Variants in CNTN1 observed in about 807,000 individuals in gnomAD.
The protein encoded by CNTN1 is contactin-1.
CNTN1 carries 38 observed loss-of-function variants against 126.4 expected under a neutral mutation model. The observed-to-expected ratio is 0.30, with a 90% confidence interval of 0.23 to 0.39. CNTN1 has a LOEUF of 0.39. Ranked by LOEUF, CNTN1 falls within the 10% of genes least tolerant of loss-of-function variation. The pLI is 1.00. For missense variants in CNTN1, 1,009 were observed against 1,248.4 expected (o/e 0.81, Z 2.89); for synonymous variants, 413 against 422.6 (o/e 0.98, Z 0.28).
intron 1 of CNTN1, among the ~76,000 whole-genome samples, chr12:40,774,776 T>A (rs1056777484): frequency 5.0e-4 from 76 of 151,454 alleles, no homozygotes; most frequent in African/African-American, 1.8e-3. Flanking sequence ...CTTTTTTTTT[T>A]ATTACCTTTC....
At chr12:40,797,449 T>A (rs955509889) in intron 1 of CNTN1, among the ~76,000 whole-genome samples, 2 of 151,816 alleles carry the variant, frequency 1.3e-5, no homozygotes, top group African/African-American at 4.8e-5. Flanking sequence ...ACAGAGAGTA[T>A]GTTAGGATAG....
chr12:40,967,799 A>T (rs1190022727), intron 15 of CNTN1, among the ~76,000 whole-genome samples: 2 of 151,988 alleles, frequency 1.3e-5, no homozygotes, highest in Non-Finnish European at 2.9e-5. Context: ...GTATGTTGGT[A>T]AAATACTACA....
At chr12:40,701,521 T>C (rs529613856) in intron 1 of CNTN1, among the ~76,000 whole-genome samples, 1 of 152,128 alleles carries the variant, frequency 6.6e-6, no homozygotes, top group Non-Finnish European at 1.5e-5. Context: ...ATATTTATAA[T>C]ATTCTAGCTT....
intron 1 of CNTN1, among the ~76,000 whole-genome samples, chr12:40,795,265 C>A (rs1277925153): frequency 2.1e-5 from 3 of 143,484 alleles, no homozygotes; most frequent in African/African-American, 7.8e-5. Context: ...GTAAACATGT[C>A]TACATGTATA....
intron 1 of CNTN1, among the ~76,000 whole-genome samples, chr12:40,852,548 A>G (rs755190211): frequency 2.6e-5 from 4 of 151,584 alleles, no homozygotes; most frequent in East Asian, 3.9e-4. Context: ...TTTTAGTGCC[A>G]TATTCTCTCA....
At chr12:40,925,850 ATATATATATATATATATG>A (rs1197890568) in intron 6 of CNTN1, among the ~76,000 whole-genome samples, 1 of 97,742 alleles carries the variant, frequency 1.0e-5, no homozygotes. Flanking sequence ...GTGTGTATAT[ATATATATATATATATATG>A]TATATATACA....
Position 41,029,167 on chromosome 12 carries a change from T to A in CNTN1, c.2928T>A (p.Val976=). Residue 976 remains valine, a synonymous_variant, in exon 23 of 24, where the codon GTT becomes GTA. Coordinates refer to ENST00000551295, the MANE Select transcript of CNTN1 (RefSeq NM_001843.4). ...IPRDGEYVVE[V]RAHSDGGDGV... is the part of the protein sequence containing the mutation. ...GAGATGGAGAATACGTTGTGGAGGTTCGCGCGCACAGTGATGGAGGAGATG... is the reference window on the plus strand; with the variant it reads ...GAGATGGAGAATACGTTGTGGAGGTACGCGCGCACAGTGATGGAGGAGATG... The A allele has an allele frequency of 6.2e-7, 1 of 1,614,114 alleles. No individual in the cohort carries two copies. Among genetic ancestry groups the A allele is most frequent in the Non-Finnish European group, 8.5e-7 (1 of 1,180,004 alleles).
At chr12:40,737,408 G>A (rs1937745327) in intron 1 of CNTN1, among the ~76,000 whole-genome samples, 1 of 139,442 alleles carries the variant, frequency 7.2e-6, no homozygotes, top group Non-Finnish European at 1.5e-5. Context: ...TAATTTACAT[G>A]ATAGCAAGGT....
rs754059004 is a variant in CNTN1, at chr12:40,908,418, T to C, written c.-15T>C. 1.2e-6 allele frequency: 2 copies of C among 1,612,106 alleles called. No individual in the cohort carries two copies. Among genetic ancestry groups the C allele is most frequent in the Non-Finnish European group, 1.7e-6 (2 of 1,178,648 alleles). ...CTTTTTTGGAAAATTGAACCGAACT[T>C]CTACTGAATACAAGATGAAAATGTG... On this transcript the variant is annotated 5_prime_UTR_variant, in exon 2 of 24. Transcript: ENST00000551295.
chr12:40,715,295 A>G (rs942153352), intron 1 of CNTN1, among the ~76,000 whole-genome samples: 1 of 152,152 alleles, frequency 6.6e-6, no homozygotes, highest in African/African-American at 2.4e-5. Flanking sequence ...TGCCCTAAGT[A>G]GTAACTTTAG....
At position 40,980,767 on chromosome 12, in the gene CNTN1, A is replaced by G. The variant is rs1269997998; in HGVS notation, c.1805-142A>G. 5 of 765,566 alleles carry G rather than the reference A, an allele frequency of 6.5e-6. No homozygotes were observed. In the East Asian group the frequency reaches 7.4e-5, roughly 11 times the overall value. The allele number at this position is 765,566 out of a possible 1,614,324, so 47.4% of individuals were successfully genotyped here. A position where few individuals can be genotyped will look rare whatever the true frequency, so the allele number is the denominator to read the frequency against. On this transcript the variant is annotated intron_variant, in intron 15 of 23. Coordinates refer to ENST00000551295, the MANE Select transcript of CNTN1 (RefSeq NM_001843.4). ...CAAATGATATCACTTCTTATAATCTATATTTAAAAGAAATGCAGACACACT... is the reference window on the plus strand; with the variant it reads ...CAAATGATATCACTTCTTATAATCTGTATTTAAAAGAAATGCAGACACACT...
chr12:40,758,436 T>G (rs1938697200), intron 1 of CNTN1, among the ~76,000 whole-genome samples: 1 of 152,030 alleles, frequency 6.6e-6, no homozygotes, highest in African/African-American at 2.4e-5. Flanking sequence ...GAAGTAAAAA[T>G]TACTGAGACA....
intron 6 of CNTN1, 94 bp from the exon 7 acceptor site, chr12:40,929,702 T>G: frequency 1.1e-6 from 1 of 908,966 alleles, no homozygotes; most frequent in Non-Finnish European, 1.8e-6. Context: ...TAGCCTTTAT[T>G]AGATTAAGTG....
At chr12:40,914,255 G>A (rs1945151345) in intron 3 of CNTN1, among the ~76,000 whole-genome samples, 1 of 152,076 alleles carries the variant, frequency 6.6e-6, no homozygotes, top group African/African-American at 2.4e-5. Context: ...ATCCTTTGCT[G>A]AGCTTTGTAT....
chr12:40,749,800 GT>G (rs1372342838), intron 1 of CNTN1, among the ~76,000 whole-genome samples: 29 of 151,916 alleles, frequency 1.9e-4, no homozygotes, highest in South Asian at 4.2e-4. Flanking sequence ...GTGGCAATAG[GT>G]GTTGTGCAGG....
intron 23 of CNTN1, among the ~76,000 whole-genome samples, chr12:41,060,197 G>A (rs1949910119): frequency 1.3e-5 from 2 of 152,132 alleles, no homozygotes; most frequent in Admixed American, 1.3e-4. Flanking sequence ...AAAAAGAGAA[G>A]CAAAGCAATA....
intron 1 of CNTN1, among the ~76,000 whole-genome samples, chr12:40,854,025 T>C (rs1942812274): frequency 6.7e-6 from 1 of 148,856 alleles, no homozygotes; most frequent in African/African-American, 2.5e-5. Context: ...TACAGCATCC[T>C]AGATCAAAAT....
At chr12:40,911,560 G>C (rs137961373) in intron 3 of CNTN1, among the ~76,000 whole-genome samples, 2,104 of 152,210 alleles carry the variant, frequency 0.014, 24 homozygotes, top group Non-Finnish European at 0.02. Context: ...GCTGCAATCA[G>C]TGTTTCCCAC....
intron 1 of CNTN1, among the ~76,000 whole-genome samples, chr12:40,899,990 AC>A (rs1944551743): frequency 6.6e-6 from 1 of 152,128 alleles, no homozygotes; most frequent in African/African-American, 2.4e-5. Flanking sequence ...CGGAATAGAA[AC>A]CCTTGCTCTG....
Sources: gnomAD v4.1 joint callset for allele counts (sites outside exome capture counted in the v4.1 genomes callset) on GRCh38, gnomAD v4.1.1 for gene constraint, MANE v1.5 for transcripts, NCBI Gene and HGNC (gene_info 2026-07-23, HGNC 2026-07-21) for gene names.